DCLRE1C: variants seen among roughly 807,000 people sequenced by gnomAD.
DCLRE1C encodes the protein protein artemis.
A neutral mutation model predicts 61.4 loss-of-function variants in DCLRE1C; 47 were observed. The observed-to-expected ratio is 0.77, with a 90% confidence interval of 0.61 to 0.98. The LOEUF (loss-of-function observed/expected upper bound fraction) is 0.98. DCLRE1C is among the 50% of genes least tolerant of loss of function. The pLI is 0.00. For missense variants in DCLRE1C, 858 were observed against 816.0 expected (o/e 1.05, Z -0.63); for synonymous variants, 337 against 287.6 (o/e 1.17, Z -1.74).
At chr10:14,935,296 A>G (rs1239513555) in intron 6 of DCLRE1C, among the ~76,000 whole-genome samples, 167 bp downstream of exon 6, 1 of 152,034 alleles carries the variant, frequency 6.6e-6, no homozygotes, top group Non-Finnish European at 1.5e-5. Flanking sequence ...GCAAAACCCC[A>G]TCTCCACTAA....
intron 5 of DCLRE1C, 84 bp from the exon 6 acceptor site, chr10:14,935,648 G>T: frequency 7.7e-7 from 1 of 1,297,550 alleles, no homozygotes; most frequent in Non-Finnish European, 1.1e-6. Context: ...CATACTAAAT[G>T]CTTCCTGCAA....
intron 1 of DCLRE1C, among the ~76,000 whole-genome samples, chr10:14,953,048 C>A (rs533041887): frequency 6.6e-6 from 1 of 152,342 alleles, no homozygotes; most frequent in East Asian, 1.9e-4. Context: ...GCTTCCTGCT[C>A]CAGCACGCTG....
At chr10:14,954,126 C>T, upstream of DCLRE1C, 1 of 1,551,102 alleles carries the variant, frequency 6.4e-7, no homozygotes, top group East Asian at 2.3e-5. Flanking sequence ...GGCGGCCGAA[C>T]GCAGCCACGT....
chr10:14,922,713 A>G (rs914370084), intron 12 of DCLRE1C, among the ~76,000 whole-genome samples: 1 of 152,138 alleles, frequency 6.6e-6, no homozygotes, highest in African/African-American at 2.4e-5. Flanking sequence ...TAGCTCAGAG[A>G]AGTGATCTGG....
intron 3 of DCLRE1C, among the ~76,000 whole-genome samples, 173 bp downstream of exon 3, chr10:14,944,931 TC>T (rs1490299025): frequency 6.6e-6 from 1 of 152,032 alleles, no homozygotes. Flanking sequence ...CGCCAAGGCC[TC>T]CCAAAGTGCT....
chr10:14,899,524 G>A (rs1183518375), intron 13 of DCLRE1C: 1 of 1,613,024 alleles, frequency 6.2e-7, no homozygotes, highest in African/African-American at 1.3e-5. Flanking sequence ...TATACTTACA[G>A]TTTTTTCTGT....
At chr10:14,945,397 C>T (rs1448560182) in intron 2 of DCLRE1C, 7 of 1,290,364 alleles carry the variant, frequency 5.4e-6, no homozygotes, top group Non-Finnish European at 6.9e-6. Context: ...TCAGAAATTA[C>T]GCTGGCACAA....
intron 1 of DCLRE1C, 136 bp downstream of exon 1, chr10:14,953,766 T>G: frequency 7.7e-7 from 1 of 1,294,296 alleles, no homozygotes; most frequent in African/African-American, 1.5e-5. Context: ...AGAGCCCGAC[T>G]GGGACAAGGC....
At chr10:14,947,857 C>A (rs539597717) in intron 2 of DCLRE1C, among the ~76,000 whole-genome samples, 1 of 152,008 alleles carries the variant, frequency 6.6e-6, no homozygotes, top group African/African-American at 2.4e-5. Context: ...GTCAGGAGTT[C>A]GAGACCAGCC....
downstream of DCLRE1C, chr10:14,901,326 G>A: frequency 3.8e-6 from 6 of 1,596,060 alleles, no homozygotes; most frequent in South Asian, 1.1e-5. Context: ...ATCAGACTAG[G>A]AACAGACCTT....
intron 4 of DCLRE1C, among the ~76,000 whole-genome samples, chr10:14,938,752 C>G (rs1216310313): frequency 2.0e-5 from 3 of 152,126 alleles, no homozygotes; most frequent in Admixed American, 1.3e-4. Flanking sequence ...TCATGAATTA[C>G]CTGCAAAAAT....
downstream of DCLRE1C, chr10:14,901,279 C>T (rs200709321): frequency 1.7e-5 from 28 of 1,613,144 alleles, no homozygotes; most frequent in African/African-American, 2.7e-4. Context: ...TTTTCAAGTA[C>T]AGTTTCATTG....
Position 14,934,469 on chromosome 10 carries a change from T to C in DCLRE1C, c.589A>G (p.Ser197Gly), listed in dbSNP as rs1252776122. ...TTCAGCCACACAACATGGTACGGGC[T>C]CCGAGTGATCCAGCTTCGGACCAGC... Reference protein sequence around the residue: ...LELVRSWITRSPYHVVWLNCK... With the variant: ...LELVRSWITRGPYHVVWLNCK... The change falls in exon 8 of 14, where the codon AGC becomes GGC. Residue 197 changes from serine (S) to glycine (G), a missense_variant. This residue lies in a region of DCLRE1C where 843 missense variants were observed against 783.5 expected (regional missense o/e 1.08). Coordinates refer to ENST00000378278, the MANE Select transcript of DCLRE1C (RefSeq NM_001033855.3). 5.6e-6 allele frequency: 9 copies of C among 1,614,022 alleles called. No homozygotes were observed. In the Admixed American group the frequency reaches 1.0e-4, roughly 18 times the overall value.
intron 11 of DCLRE1C, among the ~76,000 whole-genome samples, chr10:14,924,878 A>T (rs114684889): frequency 0.022 from 3,287 of 149,258 alleles, 104 homozygotes; most frequent in African/African-American, 0.075. Flanking sequence ...TTAAAAAATT[A>T]AAAAAAAAAT....
intron 11 of DCLRE1C, among the ~76,000 whole-genome samples, chr10:14,923,937 AGT>A (rs1375598660): frequency 6.6e-6 from 1 of 152,232 alleles, no homozygotes; most frequent in Non-Finnish European, 1.5e-5. Flanking sequence ...TCCAGTGACC[AGT>A]GTGTCTCTCC....
At chr10:14,949,863 G>A (rs1332796665) in intron 1 of DCLRE1C, among the ~76,000 whole-genome samples, 2 of 151,812 alleles carry the variant, frequency 1.3e-5, no homozygotes, top group African/African-American at 2.4e-5. Context: ...TTGCCAACAT[G>A]GTAAAACCCC....
chr10:14,919,509 G>A (rs1836749607), intron 13 of DCLRE1C, among the ~76,000 whole-genome samples: 3 of 152,152 alleles, frequency 2.0e-5, no homozygotes, highest in Admixed American at 1.3e-4. Context: ...CACCACACAC[G>A]ATGGCACCGT....
At chr10:14,931,240 A>G (rs1375322556) in intron 9 of DCLRE1C, among the ~76,000 whole-genome samples, 1 of 152,210 alleles carries the variant, frequency 6.6e-6, no homozygotes, top group Non-Finnish European at 1.5e-5. Context: ...GCGTTTGACA[A>G]GAGAAGGAGG....
At chr10:14,911,882 A>G (rs1356109047) in intron 13 of DCLRE1C, among the ~76,000 whole-genome samples, 5 of 152,202 alleles carry the variant, frequency 3.3e-5, no homozygotes, top group African/African-American at 1.2e-4. Context: ...GCAAATCAAA[A>G]CTGCAGGGTA....
Sources: gnomAD v4.1 joint callset for allele counts (sites outside exome capture counted in the v4.1 genomes callset) on GRCh38, gnomAD v4.1.1 for gene constraint, gnomAD v4.1.1 regional missense constraint, MANE v1.5 for transcripts, NCBI Gene and HGNC (gene_info 2026-07-23, HGNC 2026-07-21) for gene names.